Variants in FASLG observed in about 807,000 individuals in gnomAD.
The protein encoded by FASLG is Fas ligand.
Under a neutral mutation model 24.6 loss-of-function variants are expected in FASLG, and 9 were observed. The observed-to-expected ratio is 0.37, with a 90% confidence interval of 0.22 to 0.64. FASLG has a LOEUF of 0.64. Among genes scored for constraint, FASLG ranks in the 30% least tolerant of loss-of-function variants. The pLI is 0.64. For missense variants in FASLG, 306 were observed against 345.3 expected (o/e 0.89, Z 0.90); for synonymous variants, 130 against 135.5 (o/e 0.96, Z 0.28).
In FASLG at chr1:172,665,764, G is replaced by A; in HGVS notation, c.594G>A (p.Arg198=). The A allele has an allele frequency of 6.2e-7, 1 of 1,614,026 alleles. No individual in the cohort carries two copies. The highest frequency in any genetic ancestry group is 1.6e-4 in the Middle Eastern group (1 of 6,062). Residue 198 remains arginine, a synonymous_variant, in exon 4 of 4, where the codon CGG becomes CGA. Coordinates refer to ENST00000367721, the MANE Select transcript of FASLG (RefSeq NM_000639.3). The part of the protein sequence containing the change: ...LYFVYSKVYF[R]GQSCNNLPLS... The stretch of plus-strand genomic sequence containing the variant: ...TTGTATATTCCAAAGTATACTTCCG[G>A]GGTCAATCTTGCAACAACCTGCCCC...
Position 172,660,885 on chromosome 1 carries a change from A to G in FASLG, c.394+745A>G, listed in dbSNP as rs1659122749. Among the ~76,000 whole-genome samples, 7 of 152,376 alleles carry G rather than the reference A, an allele frequency of 4.6e-5. No homozygotes were observed. The South Asian group carries it at 1.5e-3, about 32-fold the overall frequency. On this transcript the variant is annotated intron_variant, in intron 2 of 3. Coordinates refer to ENST00000367721, the MANE Select transcript of FASLG (RefSeq NM_000639.3). ...ACAGATAGATTTTACAGTGTGCTTC[A>G]CTAGTCTAAGATTCATTGAAATTTT...
rs537260311 is a variant in FASLG, at chr1:172,666,337, C to G, written c.*321C>G. On this transcript the variant is annotated 3_prime_UTR_variant, in exon 4 of 4. Coordinates refer to ENST00000367721, the MANE Select transcript of FASLG (RefSeq NM_000639.3). ...GTATTTAGGCAGATTGAAAAGGACA[C>G]CTTTTAACTCACCTCTCAAGGTGGG... 32 of 302,994 alleles carry G rather than the reference C, an allele frequency of 1.1e-4. No homozygotes were observed. Among genetic ancestry groups the G allele is most frequent in the Admixed American group, 4.6e-4 (11 of 23,688 alleles). 18.8% of individuals were successfully genotyped at this position (302,994 alleles called of 1,614,324 possible).
At chr1:172,659,595 A>C (rs1211485756) in intron 1 of FASLG, 46 bp downstream of exon 1, 1 of 1,597,594 alleles carries the variant, frequency 6.3e-7, no homozygotes, top group Non-Finnish European at 8.5e-7. Flanking sequence ...ACCAGGCATA[A>C]GGGGATGGAG....
chr1:172,666,824 A>AT lies in FASLG; in HGVS notation c.*813dup, dbSNP rs887135613. ...ATAATAAATATTTATGTAGATGTGC[A>AT]TTTTTGTGAAATGAAAACATGTAAT... On this transcript the variant is annotated 3_prime_UTR_variant, in exon 4 of 4. Coordinates refer to ENST00000367721, the MANE Select transcript of FASLG (RefSeq NM_000639.3). The AT allele has an allele frequency of 1.3e-5, 2 of 152,456 alleles. No homozygotes were observed. The highest frequency in any genetic ancestry group is 2.9e-5 in the Non-Finnish European group (2 of 68,030). The allele number at this position is 152,456 out of a possible 1,614,324, so 9.4% of individuals were successfully genotyped here.
Position 172,659,181 on chromosome 1 carries a change from T to C in FASLG, c.-21T>C, listed in dbSNP as rs1390975376. 1 of 1,614,172 alleles carries C rather than the reference T, an allele frequency of 6.2e-7. No homozygotes were observed. The highest frequency in any genetic ancestry group is 1.7e-5 in the Admixed American group (1 of 60,016). ...AAGAAGTAAAACCGTTTGCTGGGGC[T>C]GGCCTGACTCACCAGCTGCCATGCA... is the stretch of plus-strand genomic sequence containing the variant. On this transcript the variant is annotated 5_prime_UTR_variant, in exon 1 of 4. Coordinates refer to ENST00000367721, the MANE Select transcript of FASLG (RefSeq NM_000639.3).
intron 1 of FASLG, 106 bp from the exon 2 acceptor site, chr1:172,659,989 G>A: frequency 8.3e-7 from 1 of 1,203,520 alleles, no homozygotes; most frequent in Non-Finnish European, 1.2e-6. Flanking sequence ...GAACTTCTGA[G>A]GTATTTGGAT....
intron 1 of FASLG, 138 bp downstream of exon 1, chr1:172,659,687 T>C: frequency 3.0e-6 from 4 of 1,340,192 alleles, no homozygotes; most frequent in South Asian, 1.6e-5. Flanking sequence ...TATTCTATTC[T>C]ATAGACAGAG....
chr1:172,662,298 A>T, intron 2 of FASLG, among the ~76,000 whole-genome samples: 1 of 124,544 alleles, frequency 8.0e-6, no homozygotes, highest in South Asian at 3.1e-4. Context: ...TCTCTGGGAG[A>T]TACTATTATA....
chr1:172,661,744 A>G (rs1364886240), intron 2 of FASLG, among the ~76,000 whole-genome samples: 3 of 152,180 alleles, frequency 2.0e-5, no homozygotes, highest in Non-Finnish European at 1.5e-5. Flanking sequence ...GGGAATACCA[A>G]TTTTCATCAA....
At position 172,660,092 on chromosome 1, in the gene FASLG, T is replaced by C. The variant is rs776590086; in HGVS notation, c.349-3T>C. ...TACATCTTTTCTCTTTCTGTTTTAC[T>C]AGTCTACCAGCCAGATGCACACAGC... On this transcript the variant is annotated splice_region_variant and splice_polypyrimidine_tract_variant and intron_variant, in intron 1 of 3. Coordinates refer to ENST00000367721, the MANE Select transcript of FASLG (RefSeq NM_000639.3). The C allele has an allele frequency of 1.2e-6, 2 of 1,613,958 alleles. No individual in the cohort carries two copies. Among genetic ancestry groups the C allele is most frequent in the Non-Finnish European group, 1.7e-6 (2 of 1,179,814 alleles).
chr1:172,661,357 T>C (rs1659135217), intron 2 of FASLG, among the ~76,000 whole-genome samples: 1 of 152,212 alleles, frequency 6.6e-6, no homozygotes, highest in African/African-American at 2.4e-5. Context: ...TAAGTTCTTA[T>C]ATGAGCCACT....
chr1:172,659,279 A>G lies in FASLG; in HGVS notation c.78A>G (p.Pro26=). The G allele has an allele frequency of 6.2e-7, 1 of 1,614,102 alleles. No homozygotes were observed. Among genetic ancestry groups the G allele is most frequent in the Non-Finnish European group, 8.5e-7 (1 of 1,179,984 alleles). ...DSSASSPWAP[P]GTVLPCPTSV... is the part of the protein sequence containing the mutation. ...GTGCCAGCTCTCCCTGGGCCCCTCC[A>G]GGCACAGTTCTTCCCTGTCCAACCT... Residue 26 remains proline (P), a synonymous_variant, in exon 1 of 4, where the codon CCA becomes CCG. Transcript: ENST00000367721.
Position 172,666,521 on chromosome 1 carries a change from G to C in FASLG, c.*505G>C, listed in dbSNP as rs1659271949. The C allele has an allele frequency of 6.2e-6, 1 of 161,720 alleles. No individual in the cohort carries two copies. Among genetic ancestry groups the C allele is most frequent in the Non-Finnish European group, 1.4e-5 (1 of 72,562 alleles). 10.0% of individuals were successfully genotyped at this position (161,720 alleles called of 1,614,324 possible). ...ATCTTCACTTCTAAATGCATATCCT[G>C]AGCCATCGGTGAAACTAACAGATAA... is the stretch of plus-strand genomic sequence containing the variant. On this transcript the variant is annotated 3_prime_UTR_variant, in exon 4 of 4. Transcript: ENST00000367721.
intron 1 of FASLG, 144 bp downstream of exon 1, chr1:172,659,693 C>A: frequency 7.7e-7 from 1 of 1,305,190 alleles, no homozygotes; most frequent in Non-Finnish European, 1.0e-6. Flanking sequence ...ATTCTATAGA[C>A]AGAGAAATGG....
At chr1:172,661,193 A>G (rs1190257141) in intron 2 of FASLG, among the ~76,000 whole-genome samples, 1 of 152,214 alleles carries the variant, frequency 6.6e-6, no homozygotes, top group Non-Finnish European at 1.5e-5. Context: ...GAAAAGCAGG[A>G]TACCTCTGCA....
At chr1:172,660,912 G>A (rs757082700) in intron 2 of FASLG, among the ~76,000 whole-genome samples, 1 of 152,170 alleles carries the variant, frequency 6.6e-6, no homozygotes, top group Non-Finnish European at 1.5e-5. Flanking sequence ...TGAAATTTTA[G>A]ATTTAGATTT....
At chr1:172,662,212 T>C (rs1558234206) in intron 2 of FASLG, among the ~76,000 whole-genome samples, 1 of 152,220 alleles carries the variant, frequency 6.6e-6, no homozygotes, top group Non-Finnish European at 1.5e-5. Context: ...TCATACTGAC[T>C]ATGTAACCAT....
chr1:172,659,348 G>A lies in FASLG; in HGVS notation c.147G>A (p.Pro49=), dbSNP rs61756244. The A allele has an allele frequency of 8.9e-3, 14,315 of 1,610,046 alleles. 1,023 individuals are homozygous for A. In the African/African-American group the frequency reaches 0.17, roughly 19 times the overall value. ...GTCAAAGGAGGCCACCACCACCACC[G>A]CCACCGCCACCACTACCACCTCCGC... ...RPGQRRPPPP[P]PPPPLPPPPP... is the part of the protein sequence containing the mutation. The change falls in exon 1 of 4, where the codon CCG becomes CCA. Residue 49 remains proline, a synonymous_variant. Transcript: ENST00000367721.
At chr1:172,660,310 A>G (rs1262227657) in intron 2 of FASLG, among the ~76,000 whole-genome samples, 170 bp downstream of exon 2, 1 of 152,240 alleles carries the variant, frequency 6.6e-6, no homozygotes, top group African/African-American at 2.4e-5. Flanking sequence ...TGCTTTAAAA[A>G]TGTGAAGTGA....
Sources: gnomAD v4.1 joint callset for allele counts (sites outside exome capture counted in the v4.1 genomes callset) on GRCh38, gnomAD v4.1.1 for gene constraint, MANE v1.5 for transcripts, NCBI Gene and HGNC (gene_info 2026-07-23, HGNC 2026-07-21) for gene names.